The following TADA2A variants were observed in gnomAD, a reference collection of about 807,000 sequenced individuals.
The protein encoded by TADA2A is transcriptional adapter 2-alpha.
TADA2A carries 38 observed loss-of-function variants against 67.4 expected under a neutral mutation model. The observed-to-expected ratio is 0.56, with a 90% CI of 0.44 to 0.74. TADA2A has a LOEUF of 0.74. Ranked by LOEUF, TADA2A falls within the 30% of genes least tolerant of loss-of-function variation. The pLI is 0.00. For missense variants in TADA2A, 454 were observed against 547.0 expected (o/e 0.83, Z 1.70); for synonymous variants, 192 against 181.6 (o/e 1.06, Z -0.46).
intron 8 of TADA2A, among the ~76,000 whole-genome samples, chr17:37,452,519 G>A (rs1205296564): frequency 6.6e-6 from 1 of 152,164 alleles, no homozygotes; most frequent in Non-Finnish European, 1.5e-5. Flanking sequence ...TCTCTTAAGA[G>A]ATAGAGTCCA....
At chr17:37,466,355 G>A (rs991215084) in intron 11 of TADA2A, among the ~76,000 whole-genome samples, 2 of 152,180 alleles carry the variant, frequency 1.3e-5, no homozygotes, top group Non-Finnish European at 2.9e-5. Flanking sequence ...GGGTAGCCGA[G>A]GTTGCGGTGA....
intron 8 of TADA2A, among the ~76,000 whole-genome samples, chr17:37,458,005 A>G (rs1178922515): frequency 6.6e-6 from 1 of 152,192 alleles, no homozygotes; most frequent in Non-Finnish European, 1.5e-5. Flanking sequence ...GGTTTGTTAT[A>G]CCGATTATTG....
intron 8 of TADA2A, among the ~76,000 whole-genome samples, chr17:37,445,832 C>T (rs1440142560): frequency 1.3e-5 from 2 of 151,758 alleles, no homozygotes; most frequent in Admixed American, 6.6e-5. Context: ...TCTGTATTTC[C>T]CAAAGAGCAT....
chr17:37,446,599 A>T (rs1034370252), intron 8 of TADA2A, among the ~76,000 whole-genome samples: 6 of 40,228 alleles, frequency 1.5e-4, no homozygotes, highest in Non-Finnish European at 2.6e-4. Flanking sequence ...CCCTGTCTCT[A>T]AAAAAAAAAA....
chr17:37,464,606 G>A (rs561476591), intron 10 of TADA2A, among the ~76,000 whole-genome samples: 2 of 151,950 alleles, frequency 1.3e-5, no homozygotes, highest in East Asian at 1.9e-4. Flanking sequence ...TTGGGAGGCC[G>A]AGGCGAGCAG....
rs749593818 is a variant in TADA2A, at chr17:37,476,865, T to C, written c.1215T>C (p.Cys405=). 1.2e-6 allele frequency: 2 copies of C among 1,614,168 alleles called. No individual in the cohort carries two copies. The highest frequency in any genetic ancestry group is 2.2e-5 in the South Asian group (2 of 91,086). Residue 405 remains cysteine, a synonymous_variant, in exon 16 of 16, where the codon TGT becomes TGC. Coordinates refer to ENST00000615182, the MANE Select transcript of TADA2A (RefSeq NM_001166105.3). ...LEYKSALLNE[C]NKQGGLRLAQ... Reference sequence around the variant, plus strand: ...ACAAATCTGCTCTATTGAACGAATGTAACAAGCAAGGAGGCTTAAGACTGG... The same window carrying C: ...ACAAATCTGCTCTATTGAACGAATGCAACAAGCAAGGAGGCTTAAGACTGG...
chr17:37,472,127 G>A (rs1001104892), intron 14 of TADA2A, among the ~76,000 whole-genome samples: 26 of 151,708 alleles, frequency 1.7e-4, no homozygotes, highest in African/African-American at 6.1e-4. Flanking sequence ...GTGCAGTGAC[G>A]CGATCTTGGC....
At chr17:37,460,355 C>T (rs1358502109) in intron 9 of TADA2A, among the ~76,000 whole-genome samples, 1 of 152,070 alleles carries the variant, frequency 6.6e-6, no homozygotes. Context: ...AAGCAATTAT[C>T]GTGCCTCAGC....
intron 2 of TADA2A, among the ~76,000 whole-genome samples, chr17:37,420,030 T>C (rs1360453219): frequency 6.9e-6 from 1 of 145,084 alleles, no homozygotes; most frequent in African/African-American, 2.5e-5. Context: ...AAAAAACTAC[T>C]TTGCTCAGTG....
intron 8 of TADA2A, among the ~76,000 whole-genome samples, chr17:37,448,564 A>C (rs1483705810): frequency 6.6e-6 from 1 of 152,204 alleles, no homozygotes; most frequent in African/African-American, 2.4e-5. Flanking sequence ...TGCTTAGTGT[A>C]GTTCCTTCTT....
chr17:37,474,479 C>A, intron 14 of TADA2A, 77 bp from the exon 15 acceptor site: 2 of 1,442,314 alleles, frequency 1.4e-6, no homozygotes, highest in South Asian at 2.4e-5. Context: ...CCTGGCTGCA[C>A]TGAACTTTTT....
chr17:37,421,831 T>TATTATGAAAAGTTTAAACTTAA (rs145040794), intron 2 of TADA2A, among the ~76,000 whole-genome samples: 2 of 145,044 alleles, frequency 1.4e-5, no homozygotes, highest in Non-Finnish European at 3.1e-5. Context: ...CCCAACTTTT[T>TATTATGAAAAGTTTAAACTTAA]ATAGAAAAGT....
intron 4 of TADA2A, among the ~76,000 whole-genome samples, chr17:37,429,841 T>G (rs1377879822): frequency 1.3e-5 from 2 of 152,202 alleles, no homozygotes; most frequent in Non-Finnish European, 2.9e-5. Flanking sequence ...TTTTAATGGC[T>G]TCAGTAATTG....
intron 10 of TADA2A, among the ~76,000 whole-genome samples, chr17:37,464,949 C>A (rs1372786113): frequency 6.6e-6 from 1 of 151,832 alleles, no homozygotes; most frequent in Non-Finnish European, 1.5e-5. Flanking sequence ...GAGTTCAAGA[C>A]CAGCCTGGCC....
In TADA2A at chr17:37,411,270, G is replaced by A. The variant is rs1408580130; in HGVS notation, c.-96G>A. 2 of 1,135,624 alleles carry A rather than the reference G, an allele frequency of 1.8e-6. No homozygotes were observed. The highest frequency in any genetic ancestry group is 1.6e-5 in the African/African-American group (1 of 64,252). 70.3% of individuals were successfully genotyped at this position (1,135,624 alleles called of 1,614,324 possible). A position where few individuals can be genotyped will look rare whatever the true frequency, so the allele number is the denominator to read the frequency against. On this transcript the variant is annotated splice_region_variant and 5_prime_UTR_variant, in exon 2 of 16. Coordinates refer to ENST00000615182, the MANE Select transcript of TADA2A (RefSeq NM_001166105.3). ...TGTGCCACTTTTGTTTGTTCCTAGG[G>A]AGTCATCAAGCTTTGGTGTATGTGT...
At chr17:37,460,900 T>G (rs1227660194) in intron 9 of TADA2A, among the ~76,000 whole-genome samples, 1 of 151,304 alleles carries the variant, frequency 6.6e-6, no homozygotes, top group Non-Finnish European at 1.5e-5. Flanking sequence ...GAGGCTAAGG[T>G]GAGAGGATGA....
rs2052310586 is a variant in TADA2A, at chr17:37,423,539, G to C, written c.56G>C (p.Gly19Ala). The change falls in exon 3 of 16, where the codon GGC becomes GCC. Residue 19 changes from glycine to alanine, a missense_variant. By Grantham distance (60) the Gly-to-Ala change is moderately conservative. Coordinates refer to ENST00000615182, the MANE Select transcript of TADA2A (RefSeq NM_001166105.3). ...CCCTCTGATAAGCCACCTTGCCGAG[G>C]CTGCTCCTCCTACCTCATGGAGCCT... is the stretch of plus-strand genomic sequence containing the variant. ...NDPSDKPPCR[G>A]CSSYLMEPYI... 6.2e-7 allele frequency: 1 copy of C among 1,612,404 alleles called. No individual in the cohort carries two copies. The highest frequency in any genetic ancestry group is 1.3e-5 in the African/African-American group (1 of 74,784).
chr17:37,420,830 C>A (rs1399340633), intron 2 of TADA2A, among the ~76,000 whole-genome samples: 1 of 146,922 alleles, frequency 6.8e-6, no homozygotes, highest in Non-Finnish European at 1.5e-5. Flanking sequence ...CCAGGCTGAA[C>A]AAATTAAATT....
At chr17:37,464,838 C>CAA (rs35664546) in intron 10 of TADA2A, among the ~76,000 whole-genome samples, 2 of 119,484 alleles carry the variant, frequency 1.7e-5, no homozygotes, top group Non-Finnish European at 1.7e-5. Context: ...GACTCCATCT[C>CAA]AAAAAAAAAA....
Sources: gnomAD v4.1 joint callset for allele counts (sites outside exome capture counted in the v4.1 genomes callset) on GRCh38, gnomAD v4.1.1 for gene constraint, MANE v1.5 for transcripts, NCBI Gene and HGNC (gene_info 2026-07-23, HGNC 2026-07-21) for gene names.